The following MAST2 variants were observed in gnomAD, a reference collection of about 807,000 sequenced individuals.
MAST2 encodes the protein microtubule associated serine/threonine kinase 2.
A neutral mutation model predicts 147.4 loss-of-function variants in MAST2; 70 were observed. The observed-to-expected ratio is 0.47, with a 90% CI of 0.39 to 0.58. The LOEUF (loss-of-function observed/expected upper bound fraction) is 0.58, where lower values mean the gene tolerates loss of function less well. MAST2 is among the 20% of genes least tolerant of loss of function. The pLI, the probability that MAST2 is intolerant of heterozygous loss-of-function variation, is 0.00. For missense variants in MAST2, 2,080 were observed against 2,302.3 expected, an observed-to-expected ratio of 0.90 and a Z score of 1.98; for synonymous variants, 869 against 896.8, an observed-to-expected ratio of 0.97 and a Z score of 0.55.
intron 5 of MAST2, among the ~76,000 whole-genome samples, chr1:45,981,509 C>G (rs1644406166): frequency 6.6e-6 from 1 of 152,182 alleles, no homozygotes; most frequent in African/African-American, 2.4e-5. Flanking sequence ...GGCTGAATAA[C>G]TCCTGAGCCA....
intron 4 of MAST2, among the ~76,000 whole-genome samples, chr1:45,958,576 GTTCT>G (rs1410689016): frequency 7.6e-6 from 1 of 132,374 alleles, no homozygotes; most frequent in African/African-American, 2.9e-5. Flanking sequence ...CCCTCTTTCT[GTTCT>G]TTCTTCCTCT....
At position 46,014,772 on chromosome 1, in the gene MAST2, A is replaced by G. The variant is rs189848135; in HGVS notation, c.1188+3833A>G. 3.6e-3 allele frequency among the ~76,000 whole-genome samples: 555 copies of G among 152,300 alleles called. 3 individuals carry two copies. The highest frequency in any genetic ancestry group is 0.013 in the African/African-American group (527 of 41,554). On this transcript the variant is annotated intron_variant, in intron 10 of 28. Coordinates refer to ENST00000361297, the MANE Select transcript of MAST2 (RefSeq NM_015112.3). ...TCAACATTAGACAGATCAGCGTGAC[A>G]GAAAGTTAGCAAGGATACCCAGGAA...
intron 10 of MAST2, among the ~76,000 whole-genome samples, chr1:46,013,630 A>C (rs1486600337): frequency 6.6e-6 from 1 of 152,024 alleles, no homozygotes; most frequent in African/African-American, 2.4e-5. Flanking sequence ...CGGTGAGCCA[A>C]GATCATGCCA....
At chr1:45,885,240 T>C (rs898759177) in intron 4 of MAST2, among the ~76,000 whole-genome samples, 3 of 152,212 alleles carry the variant, frequency 2.0e-5, no homozygotes, top group Non-Finnish European at 4.4e-5. Flanking sequence ...TTTCTTAGAA[T>C]GGTTCTCCCA....
intron 4 of MAST2, among the ~76,000 whole-genome samples, chr1:45,939,993 T>G (rs377177987): frequency 2.4e-4 from 15 of 62,424 alleles, no homozygotes; most frequent in African/African-American, 4.7e-4. Context: ...TTTTTTTTTT[T>G]TTTTTTTTGA....
intron 10 of MAST2, among the ~76,000 whole-genome samples, chr1:46,014,990 G>T (rs1163632998): frequency 6.6e-6 from 1 of 151,672 alleles, no homozygotes; most frequent in Non-Finnish European, 1.5e-5. Context: ...AGACCACAGT[G>T]CAATCAAACT....
intron 5 of MAST2, among the ~76,000 whole-genome samples, chr1:45,969,541 A>G (rs963392439): frequency 6.6e-6 from 1 of 152,076 alleles, no homozygotes; most frequent in African/African-American, 2.4e-5. Flanking sequence ...AGATTCTCAT[A>G]GGACCATGAA....
In MAST2 at chr1:45,862,690, G is replaced by A. The variant is rs539667997; in HGVS notation, c.469-19674G>A. 3.3e-5 allele frequency among the ~76,000 whole-genome samples: 5 copies of A among 152,096 alleles called. No individual in the cohort carries two copies. In the East Asian group the frequency reaches 7.7e-4, roughly 24 times the overall value. Reference sequence around the variant, plus strand: ...TTGCCTTGTTGGCCAGGCTGGTCTCGAACTCCTGACCTCAGATGATCCACT... The same window carrying A: ...TTGCCTTGTTGGCCAGGCTGGTCTCAAACTCCTGACCTCAGATGATCCACT... On this transcript the variant is annotated intron_variant, in intron 3 of 28. Transcript: ENST00000361297.
chr1:45,960,447 G>A (rs565496066), intron 5 of MAST2, among the ~76,000 whole-genome samples: 38 of 152,150 alleles, frequency 2.5e-4, no homozygotes, highest in Non-Finnish European at 2.4e-4. Context: ...AGCCCATGGA[G>A]GTTGAGATCA....
chr1:45,934,151 A>G (rs1272701891), intron 4 of MAST2, among the ~76,000 whole-genome samples: 1 of 152,074 alleles, frequency 6.6e-6, no homozygotes, highest in Admixed American at 6.5e-5. Flanking sequence ...GCTCCCACTT[A>G]TAGGTGAGAA....
At chr1:45,873,652 CT>C (rs1646487597) in intron 3 of MAST2, among the ~76,000 whole-genome samples, 1 of 152,170 alleles carries the variant, frequency 6.6e-6, no homozygotes, top group Admixed American at 6.5e-5. Context: ...GGTTTAATGA[CT>C]GACCAAGATT....
At chr1:45,828,956 T>C (rs182757490) in intron 2 of MAST2, among the ~76,000 whole-genome samples, 24 of 151,454 alleles carry the variant, frequency 1.6e-4, no homozygotes, top group Non-Finnish European at 2.8e-4. Flanking sequence ...ACAAAAATCA[T>C]TGGAATTCCC....
At chr1:45,959,087 A>G (rs1007535606) in intron 4 of MAST2, among the ~76,000 whole-genome samples, 1 of 152,198 alleles carries the variant, frequency 6.6e-6, no homozygotes, top group Non-Finnish European at 1.5e-5. Context: ...TGTTTAAAAC[A>G]TGGTTTTTGC....
At chr1:45,859,153 A>G (rs1424705160) in intron 3 of MAST2, among the ~76,000 whole-genome samples, 5 of 151,982 alleles carry the variant, frequency 3.3e-5, no homozygotes, top group Non-Finnish European at 7.4e-5. Context: ...GAAGAAAGTC[A>G]TTGGTATCTC....
intron 1 of MAST2, among the ~76,000 whole-genome samples, chr1:45,805,576 T>C: frequency 6.6e-6 from 1 of 152,238 alleles, no homozygotes; most frequent in East Asian, 1.9e-4. Context: ...TCCAGGTCCT[T>C]TCCTGTCTCA....
At chr1:45,948,550 A>G (rs944637933) in intron 4 of MAST2, among the ~76,000 whole-genome samples, 1 of 151,852 alleles carries the variant, frequency 6.6e-6, no homozygotes, top group Non-Finnish European at 1.5e-5. Flanking sequence ...TAGTAAAAAT[A>G]CAAAAAATTA....
rs202243705 is a variant in MAST2 at position 45,824,414 on chromosome 1, A to G, written c.178-19A>G. On this transcript the variant is annotated intron_variant, in intron 1 of 28. Transcript: ENST00000361297. ...AGGAGATATTAAAGACTCATGTTTTACTCTTTTTCTCTTTGAAGGATGTAG... is the reference window on the plus strand; with the variant it reads ...AGGAGATATTAAAGACTCATGTTTTGCTCTTTTTCTCTTTGAAGGATGTAG... The G allele has an allele frequency of 2.1e-4, 322 of 1,570,186 alleles. No individual in the cohort carries two copies. The highest frequency in any genetic ancestry group is 3.8e-5 in the Non-Finnish European group (44 of 1,153,670).
chr1:45,899,311 T>TTC (rs1553226694), intron 4 of MAST2, among the ~76,000 whole-genome samples: 5 of 146,414 alleles, frequency 3.4e-5, no homozygotes, highest in Admixed American at 2.8e-4. Flanking sequence ...TCTTTTCTTT[T>TTC]TTTTTTTTTT....
chr1:45,921,529 C>T (rs750053686), intron 4 of MAST2, among the ~76,000 whole-genome samples: 2 of 152,164 alleles, frequency 1.3e-5, no homozygotes, highest in Non-Finnish European at 2.9e-5. Flanking sequence ...GCATAGGGTC[C>T]GGCCACTGCA....
Sources: allele counts gnomAD v4.1 joint callset (sites outside exome capture counted in the v4.1 genomes callset), GRCh38; gene constraint gnomAD v4.1.1; transcripts MANE v1.5; gene names NCBI Gene and HGNC (gene_info 2026-07-23, HGNC 2026-07-21).